The following ZMYM6 variants were observed in gnomAD, a reference collection of about 807,000 sequenced individuals.
ZMYM6 encodes zinc finger MYM-type containing 6.
A neutral mutation model predicts 134.0 loss-of-function variants in ZMYM6; 90 were observed. The ratio of observed to expected loss-of-function variants is 0.67; its 90% CI spans 0.57 to 0.80. The LOEUF (loss-of-function observed/expected upper bound fraction) is 0.80. Ranked by LOEUF, ZMYM6 falls within the 30% of genes least tolerant of loss-of-function variation. ZMYM6 has a pLI of 0.00. For synonymous variants in ZMYM6, 481 were observed against 524.1 expected, an observed-to-expected ratio of 0.92 and a Z score of 1.12; for missense variants, 1,362 against 1,533.9, an observed-to-expected ratio of 0.89 and a Z score of 1.87.
chr1:35,010,634 A>T, intron 9 of ZMYM6, 37 bp from the exon 10 acceptor site: 2 of 1,573,902 alleles, frequency 1.3e-6, no homozygotes, highest in Non-Finnish European at 1.7e-6. Context: ...AGCCAACTAA[A>T]CAGTTGCTTT....
At chr1:35,011,795 A>T in intron 8 of ZMYM6, 95 bp downstream of exon 8, 2 of 867,682 alleles carry the variant, frequency 2.3e-6, no homozygotes, top group Non-Finnish European at 3.2e-6. Context: ...ATTCAAATTT[A>T]AACTTTCATA....
At chr1:35,000,215 C>T (rs1640856317) in intron 14 of ZMYM6, among the ~76,000 whole-genome samples, 1 of 151,494 alleles carries the variant, frequency 6.6e-6, no homozygotes, top group Non-Finnish European at 1.5e-5. Context: ...AGGCGTGAGC[C>T]ACCACACTTC....
Position 35,019,454 on chromosome 1 carries a change from T to C in ZMYM6, c.327A>G (p.Thr109=). Residue 109 remains threonine (T), a synonymous_variant, in exon 4 of 16, where the codon ACA becomes ACG. Transcript: ENST00000357182. The part of the protein sequence containing the change: ...LYKGQTAYHK[T]GSTQLFCSTR... ...TGGAGCAGAAGAGCTGAGTAGATCC[T>C]GTCTTATGATATGCAGTTTGGCCCT... is the stretch of plus-strand genomic sequence containing the variant. The C allele has an allele frequency of 6.2e-7, 1 of 1,614,194 alleles. No individual in the cohort carries two copies. Among genetic ancestry groups the C allele is most frequent in the Middle Eastern group, 1.6e-4 (1 of 6,062 alleles).
At chr1:34,992,851 T>C (rs182857283) in intron 14 of ZMYM6, among the ~76,000 whole-genome samples, 12 of 145,918 alleles carry the variant, frequency 8.2e-5, no homozygotes, top group African/African-American at 3.0e-4. Flanking sequence ...TTATAAACTA[T>C]AAATATAAAA....
chr1:35,005,629 C>CAAAAAAA (rs1182722333), intron 12 of ZMYM6, among the ~76,000 whole-genome samples: 5 of 59,300 alleles, frequency 8.4e-5, no homozygotes, highest in South Asian at 6.7e-4. Flanking sequence ...AACCTAGTCT[C>CAAAAAAA]AAAAAAAAAA....
At chr1:35,018,545 T>C (rs940736705) in intron 4 of ZMYM6, 1 of 151,988 alleles carries the variant, frequency 6.6e-6, no homozygotes, top group African/African-American at 2.4e-5. Flanking sequence ...ATTTTTATTA[T>C]TAATAATAAC....
chr1:35,028,295 G>A (rs930409199), intron 2 of ZMYM6, among the ~76,000 whole-genome samples: 3 of 147,506 alleles, frequency 2.0e-5, no homozygotes, highest in African/African-American at 7.5e-5. Context: ...CAGCCTGGGA[G>A]TGACAGAGCA....
intron 14 of ZMYM6, among the ~76,000 whole-genome samples, 170 bp from the exon 15 acceptor site, chr1:34,992,557 C>T (rs1640696327): frequency 6.6e-6 from 1 of 150,874 alleles, no homozygotes; most frequent in Admixed American, 6.6e-5. Flanking sequence ...ATTCCTACTT[C>T]TCCCAATCAG....
intron 15 of ZMYM6, chr1:34,989,377 T>TA (rs572006218): frequency 0.057 from 14,020 of 248,120 alleles, 601 homozygotes; most frequent in East Asian, 0.35. Flanking sequence ...ATCTCTACAT[T>TA]AAAAAAAAAA....
chr1:35,030,603 C>T lies in ZMYM6; in HGVS notation c.37G>A (p.Val13Met). ...EPLDGECGKA[V>M]VPQQELLDKI... ...TCCAGAAGCTCCTGCTGTGGTACCA[C>T]TGCTTTGCCACATTCACCATCCAAA... Residue 13 changes from valine (V) to methionine (M), a missense_variant, in exon 2 of 16, where the codon GTG becomes ATG. By Grantham distance (21) the Val-to-Met change is conservative (BLOSUM62 1). Coordinates refer to ENST00000357182, the MANE Select transcript of ZMYM6 (RefSeq NM_007167.4). 6.2e-7 allele frequency: 1 copy of T among 1,613,882 alleles called. No individual in the cohort carries two copies. The highest frequency in any genetic ancestry group is 8.5e-7 in the Non-Finnish European group (1 of 1,180,022).
chr1:35,027,980 T>C (rs1457463374), intron 2 of ZMYM6, among the ~76,000 whole-genome samples: 1 of 152,090 alleles, frequency 6.6e-6, no homozygotes, highest in Non-Finnish European at 1.5e-5. Flanking sequence ...ATAGAGTTCA[T>C]GAGTGAAACA....
intron 15 of ZMYM6, chr1:34,989,138 A>G: frequency 1.5e-6 from 2 of 1,361,470 alleles, no homozygotes; most frequent in Non-Finnish European, 1.9e-6. Flanking sequence ...AAGCTTGATC[A>G]CTAGGTATAA....
chr1:35,005,064 G>A, intron 13 of ZMYM6, 68 bp downstream of exon 13: 10 of 1,575,124 alleles, frequency 6.3e-6, no homozygotes, highest in Non-Finnish European at 8.7e-6. Flanking sequence ...CTCAAAAAGA[G>A]AGAACTACTT....
At chr1:35,030,020 G>C (rs542814869) in intron 2 of ZMYM6, 1 of 153,444 alleles carries the variant, frequency 6.5e-6, no homozygotes, top group Admixed American at 6.5e-5. Flanking sequence ...CAGAATAAAG[G>C]AAAGTACTAC....
At chr1:35,006,127 C>A (rs1053842837) in intron 12 of ZMYM6, among the ~76,000 whole-genome samples, 1 of 152,178 alleles carries the variant, frequency 6.6e-6, no homozygotes, top group Non-Finnish European at 1.5e-5. Flanking sequence ...CGTGCCTCAG[C>A]CTCCTGAGCA....
At chr1:35,003,293 A>G (rs905805464) in intron 14 of ZMYM6, among the ~76,000 whole-genome samples, 5 of 152,180 alleles carry the variant, frequency 3.3e-5, no homozygotes, top group African/African-American at 1.2e-4. Context: ...TTTTCCTGCT[A>G]AAGTGATGCT....
intron 4 of ZMYM6, among the ~76,000 whole-genome samples, chr1:35,016,486 T>A (rs890793001): frequency 6.6e-6 from 1 of 152,166 alleles, no homozygotes; most frequent in Non-Finnish European, 1.5e-5. Flanking sequence ...AGCAATACCC[T>A]GGTAAAACAG....
chr1:35,020,567 C>CT, intron 2 of ZMYM6, 100 bp from the exon 3 acceptor site: 2 of 554,078 alleles, frequency 3.6e-6, no homozygotes, highest in South Asian at 5.7e-5. Context: ...CTATTCATCT[C>CT]CTTTTTTTTT....
intron 2 of ZMYM6, among the ~76,000 whole-genome samples, chr1:35,023,917 C>T (rs576373291): frequency 2.8e-4 from 43 of 152,200 alleles, no homozygotes; most frequent in Non-Finnish European, 2.1e-4. Flanking sequence ...CCACCGCGCC[C>T]GGCCAGATTC....
Sources: allele counts gnomAD v4.1 joint callset (sites outside exome capture counted in the v4.1 genomes callset), GRCh38; gene constraint gnomAD v4.1.1; transcripts MANE v1.5; gene names NCBI Gene and HGNC (gene_info 2026-07-23, HGNC 2026-07-21).